PARD3: variants seen among roughly 807,000 people sequenced by gnomAD.
PARD3 encodes partitioning defective 3 homolog.
A neutral mutation model predicts 155.4 loss-of-function variants in PARD3; 75 were observed. The ratio of observed to expected loss-of-function variants is 0.48; its 90% confidence interval spans 0.40 to 0.58. The LOEUF is 0.58. PARD3 is among the 20% of genes least tolerant of loss of function. The probability of loss-of-function intolerance (pLI) is 0.00; values close to 1 mark genes in which losing one functional copy is unlikely to be tolerated. For missense variants in PARD3, 1,642 were observed against 1,721.7 expected (o/e 0.95, Z 0.82); for synonymous variants, 576 against 610.5 (o/e 0.94, Z 0.83).
intron 5 of PARD3, among the ~76,000 whole-genome samples, chr10:34,436,994 T>C (rs1021814515): frequency 3.3e-5 from 5 of 152,074 alleles, no homozygotes; most frequent in African/African-American, 9.7e-5. Flanking sequence ...GGAGGGAGAC[T>C]ACTATTTTGC....
At chr10:34,450,742 A>G (rs1019043668) in intron 4 of PARD3, among the ~76,000 whole-genome samples, 10 of 152,068 alleles carry the variant, frequency 6.6e-5, no homozygotes, top group African/African-American at 2.2e-4. Flanking sequence ...CACCTAAACC[A>G]AGTACGTACA....
rs1164418118 is a variant in PARD3 at position 34,463,093 on chromosome 10, A to G, written c.582+6992T>C. On this transcript the variant is annotated intron_variant, in intron 4 of 24. Transcript: ENST00000374788. ...GGGAGGGAAAGGGAAGGGAAGAGGA[A>G]AGGAATGGGAAAGTGAAGGGGAAGA... is the stretch of plus-strand genomic sequence containing the variant. Among the ~76,000 whole-genome samples the G allele has an allele frequency of 2.6e-5, 3 of 114,926 alleles. No individual in the cohort carries two copies. In the South Asian group the frequency reaches 1.2e-3, roughly 44 times the overall value. 75.4% of individuals were successfully genotyped at this position (114,926 alleles called of 152,430 possible). A position where few individuals can be genotyped will look rare whatever the true frequency, so the allele number is the denominator to read the frequency against.
intron 2 of PARD3, among the ~76,000 whole-genome samples, chr10:34,594,281 T>A (rs1377877702): frequency 2.0e-5 from 3 of 152,210 alleles, no homozygotes; most frequent in African/African-American, 7.2e-5. Context: ...GTCTTTGAAA[T>A]GACCCACAGT....
At chr10:34,569,271 T>G (rs1396188649) in intron 2 of PARD3, among the ~76,000 whole-genome samples, 1 of 152,200 alleles carries the variant, frequency 6.6e-6, no homozygotes, top group Admixed American at 6.5e-5. Context: ...GAAATGTTCA[T>G]GTTACCACAG....
rs75130657 is a variant in PARD3, at chr10:34,265,070, G to A, written c.3419+4587C>T. On this transcript the variant is annotated intron_variant, in intron 22 of 24. Transcript: ENST00000374788. ...CCGGCCTACGCCAACATTTTTGTGA[G>A]TTTTAAGCCTTGTTATTCATATCAA... Among the ~76,000 whole-genome samples the A allele has an allele frequency of 5.7e-3, 862 of 152,278 alleles. 22 individuals carry two copies. In the East Asian group the frequency reaches 0.058, roughly 10 times the overall value.
chr10:34,262,197 G>T (rs72786249), intron 22 of PARD3, among the ~76,000 whole-genome samples: 7,365 of 152,122 alleles, frequency 0.048, 233 homozygotes, highest in Non-Finnish European at 0.075. Flanking sequence ...GTGCTCCAGG[G>T]TCTTTCTACA....
chr10:34,743,815 G>A (rs1329252707), intron 1 of PARD3, among the ~76,000 whole-genome samples: 3 of 152,106 alleles, frequency 2.0e-5, no homozygotes, highest in South Asian at 2.1e-4. Context: ...GAGAGCACAC[G>A]GAAGCTGTGT....
intron 22 of PARD3, among the ~76,000 whole-genome samples, chr10:34,247,888 A>G (rs1239778129): frequency 6.6e-6 from 1 of 152,204 alleles, no homozygotes; most frequent in African/African-American, 2.4e-5. Flanking sequence ...AAGTACTACT[A>G]TACTCCCATT....
intron 5 of PARD3, among the ~76,000 whole-genome samples, chr10:34,421,315 T>A (rs1846164790): frequency 6.7e-6 from 1 of 150,264 alleles, no homozygotes; most frequent in South Asian, 2.1e-4. Flanking sequence ...TAACTAGTTA[T>A]TTAAGTAATA....
At chr10:34,806,392 C>T (rs1843389471) in intron 1 of PARD3, among the ~76,000 whole-genome samples, 1 of 152,076 alleles carries the variant, frequency 6.6e-6, no homozygotes, top group African/African-American at 2.4e-5. Context: ...GATGGGGTTT[C>T]ACTACTTTGG....
At chr10:34,278,808 G>A (rs1208314919) in intron 21 of PARD3, among the ~76,000 whole-genome samples, 3 of 152,064 alleles carry the variant, frequency 2.0e-5, no homozygotes, top group Non-Finnish European at 4.4e-5. Context: ...CTAATATACT[G>A]TCTGATACAC....
Position 34,275,406 on chromosome 10 carries a change from C to T in PARD3, c.3177-5507G>A, listed in dbSNP as rs371301858. On this transcript the variant is annotated intron_variant, in intron 21 of 24. Transcript: ENST00000374788. ...CTGGTCAGTAGCCTGAACTAATGTG[C>T]ATTCTCAAGTTCATTCTAGAAATTA... is the stretch of plus-strand genomic sequence containing the variant. Among the ~76,000 whole-genome samples, 18 of 152,310 alleles carry T rather than the reference C, an allele frequency of 1.2e-4. No homozygotes were observed. In the East Asian group the frequency reaches 1.5e-3, roughly 13 times the overall value.
chr10:34,688,703 G>A (rs897932637), intron 2 of PARD3, among the ~76,000 whole-genome samples: 2 of 152,160 alleles, frequency 1.3e-5, no homozygotes, highest in African/African-American at 4.8e-5. Flanking sequence ...TCCTGGAAGT[G>A]AGAACTGTAT....
In PARD3 at chr10:34,581,297, C is replaced by T. The variant is rs552312151; in HGVS notation, c.223-64138G>A. On this transcript the variant is annotated intron_variant, in intron 2 of 24. Transcript: ENST00000374788. Reference sequence around the variant, plus strand: ...TCACCCAGGCTGGAGTGCAGTGGCACGATCTCGGCTCACTGCAACCTCCAC... The same window carrying T: ...TCACCCAGGCTGGAGTGCAGTGGCATGATCTCGGCTCACTGCAACCTCCAC... Among the ~76,000 whole-genome samples, 283 of 132,628 alleles carry T rather than the reference C, an allele frequency of 2.1e-3. 6 individuals are homozygous for T. In the South Asian group the frequency reaches 0.027, roughly 13 times the overall value. 87.0% of individuals were successfully genotyped at this position (132,628 alleles called of 152,430 possible). A position where few individuals can be genotyped will look rare whatever the true frequency, so the allele number is the denominator to read the frequency against.
chr10:34,473,319 T>C (rs1010287085), intron 3 of PARD3, among the ~76,000 whole-genome samples: 6 of 152,190 alleles, frequency 3.9e-5, no homozygotes, highest in African/African-American at 1.4e-4. Flanking sequence ...TTTACATTTA[T>C]GTCCACTGTC....
chr10:34,815,222 C>A lies in PARD3; in HGVS notation c.-227G>T. The A allele has an allele frequency of 6.3e-6, 1 of 157,604 alleles. No homozygotes were observed. The highest frequency in any genetic ancestry group is 1.9e-4 in the South Asian group (1 of 5,258). 9.8% of individuals were successfully genotyped at this position (157,604 alleles called of 1,614,324 possible). ...GCCCGGGGCTTGCCTCGCCTCTCCC[C>A]GCCGCGGCGCCCGCAGCCTCCGGCC... On this transcript the variant is annotated 5_prime_UTR_variant, in exon 1 of 25. Coordinates refer to ENST00000374788, the MANE Select transcript of PARD3 (RefSeq NM_001184785.2).
chr10:34,313,684 T>TAAA (rs1235182817), intron 20 of PARD3, among the ~76,000 whole-genome samples: 3 of 152,224 alleles, frequency 2.0e-5, no homozygotes, highest in Non-Finnish European at 2.9e-5. Flanking sequence ...GCCTATCTAT[T>TAAA]TGACCCTCAT....
At chr10:34,468,490 G>A (rs577860832) in intron 4 of PARD3, among the ~76,000 whole-genome samples, 1 of 152,208 alleles carries the variant, frequency 6.6e-6, no homozygotes, top group Non-Finnish European at 1.5e-5. Flanking sequence ...AATTAGGTCT[G>A]TTCTAAAAAA....
At chr10:34,172,770 AAC>A (rs202237953) in intron 22 of PARD3, among the ~76,000 whole-genome samples, 29 of 144,150 alleles carry the variant, frequency 2.0e-4, no homozygotes, top group Admixed American at 1.8e-3. Context: ...ACAAAAAAAA[AAC>A]CCACCCAAGC....
Sources: gnomAD v4.1 joint callset for allele counts (sites outside exome capture counted in the v4.1 genomes callset) on GRCh38, gnomAD v4.1.1 for gene constraint, MANE v1.5 for transcripts, NCBI Gene and HGNC (gene_info 2026-07-23, HGNC 2026-07-21) for gene names.